GRIN2A: variants seen among roughly 807,000 people sequenced by gnomAD.
GRIN2A encodes glutamate ionotropic receptor NMDA type subunit 2A, also known as glutamate receptor ionotropic, NMDA 2A.
In GRIN2A, 22 loss-of-function variants were observed where a neutral mutation model predicts 113.4. The ratio of observed to expected loss-of-function variants is 0.19; its 90% CI spans 0.14 to 0.28. The LOEUF is 0.28. Ranked by LOEUF, GRIN2A falls within the 10% of genes least tolerant of loss-of-function variation. The probability of loss-of-function intolerance (pLI) is 1.00; values close to 1 mark genes in which losing one functional copy is unlikely to be tolerated. For missense variants in GRIN2A, 1,502 were observed against 1,887.0 expected, an observed-to-expected ratio of 0.80 and a Z score of 3.78; for synonymous variants, 827 against 738.4, an observed-to-expected ratio of 1.12 and a Z score of -1.94.
intron 2 of GRIN2A, among the ~76,000 whole-genome samples, chr16:9,991,459 T>A (rs747784004): frequency 6.6e-6 from 1 of 152,228 alleles, no homozygotes; most frequent in Admixed American, 6.5e-5. Context: ...TATGGATATA[T>A]TGTGTAGTGG....
At chr16:9,797,981 T>C (rs1903104905) in intron 11 of GRIN2A, among the ~76,000 whole-genome samples, 2 of 152,280 alleles carry the variant, frequency 1.3e-5, no homozygotes, top group African/African-American at 4.8e-5. Flanking sequence ...AAATTCCCAC[T>C]TAAGGCACCA....
At chr16:9,798,816 A>G (rs1010125150) in intron 10 of GRIN2A, among the ~76,000 whole-genome samples, 3 of 152,204 alleles carry the variant, frequency 2.0e-5, no homozygotes, top group Non-Finnish European at 4.4e-5. Context: ...AAAATAAACC[A>G]CTAAGGGGCA....
intron 2 of GRIN2A, among the ~76,000 whole-genome samples, chr16:10,117,566 C>G (rs1451414737): frequency 6.6e-6 from 1 of 152,138 alleles, no homozygotes; most frequent in Non-Finnish European, 1.5e-5. Context: ...GAGGTAAAGT[C>G]TCATTTCACC....
At chr16:9,949,714 T>C (rs529591822) in intron 2 of GRIN2A, among the ~76,000 whole-genome samples, 1 of 150,088 alleles carries the variant, frequency 6.7e-6, no homozygotes, top group East Asian at 2.0e-4. Context: ...GTTGGATGGA[T>C]GGACGGACAG....
Position 9,756,256 on chromosome 16 carries a change from G to A in GRIN2A, c.*6893C>T, listed in dbSNP as rs1900345328. 1 of 227,516 alleles carries A rather than the reference G, an allele frequency of 4.4e-6. No individual in the cohort carries two copies. Among genetic ancestry groups the A allele is most frequent in the Non-Finnish European group, 8.7e-6 (1 of 114,442 alleles). 14.1% of individuals were successfully genotyped at this position (227,516 alleles called of 1,614,324 possible). On this transcript the variant is annotated 3_prime_UTR_variant, in exon 13 of 13. Coordinates refer to ENST00000330684, the MANE Select transcript of GRIN2A (RefSeq NM_001134407.3). Reference sequence around the variant, plus strand: ...AAGAGATATTTAAGATTAGGCACATGCTAAGTAGAGAAAATAACTCCCCAG... The same window carrying A: ...AAGAGATATTTAAGATTAGGCACATACTAAGTAGAGAAAATAACTCCCCAG...
chr16:9,926,918 ACT>A (rs1358752216), intron 3 of GRIN2A, among the ~76,000 whole-genome samples: 1 of 89,662 alleles, frequency 1.1e-5, no homozygotes, highest in Admixed American at 9.6e-5. Flanking sequence ...CAGGAAAAAC[ACT>A]CTAAGTTTAA....
chr16:9,878,578 C>T (rs2043416950), intron 4 of GRIN2A, among the ~76,000 whole-genome samples: 1 of 152,134 alleles, frequency 6.6e-6, no homozygotes, highest in Non-Finnish European at 1.5e-5. Flanking sequence ...AGCTGCTGCC[C>T]TCATGATCAT....
chr16:9,843,951 G>A (rs1340263933), intron 5 of GRIN2A, among the ~76,000 whole-genome samples: 1 of 152,186 alleles, frequency 6.6e-6, no homozygotes, highest in Non-Finnish European at 1.5e-5. Context: ...TTCCTTCTTA[G>A]TATACATGGC....
At chr16:10,040,297 C>A (rs1660154033) in intron 2 of GRIN2A, among the ~76,000 whole-genome samples, 1 of 146,476 alleles carries the variant, frequency 6.8e-6, no homozygotes, top group South Asian at 2.3e-4. Flanking sequence ...ACGTCATGCA[C>A]ATCCAAATAC....
chr16:10,176,355 G>C (rs886539892), intron 2 of GRIN2A, among the ~76,000 whole-genome samples: 4 of 152,036 alleles, frequency 2.6e-5, no homozygotes, highest in Admixed American at 2.0e-4. Flanking sequence ...AATGATGCGA[G>C]CAAAACATTA....
intron 2 of GRIN2A, among the ~76,000 whole-genome samples, chr16:10,148,135 G>A (rs2142282158): frequency 6.6e-6 from 1 of 152,224 alleles, no homozygotes; most frequent in South Asian, 2.1e-4. Flanking sequence ...TAGAGCCCAG[G>A]AATTGGCAAA....
intron 10 of GRIN2A, among the ~76,000 whole-genome samples, chr16:9,812,732 G>C (rs2042110150): frequency 6.6e-6 from 1 of 152,110 alleles, no homozygotes; most frequent in South Asian, 2.1e-4. Context: ...ATTGCTTTGT[G>C]TCCAAAGCAA....
At chr16:10,036,449 C>CTTTTTTTTT (rs369821921) in intron 2 of GRIN2A, among the ~76,000 whole-genome samples, 14 of 46,008 alleles carry the variant, frequency 3.0e-4, no homozygotes, top group South Asian at 9.1e-4. Context: ...TTTTTTTTTT[C>CTTTTTTTTT]TTTTTTTTTT....
chr16:10,040,022 A>AGTGCACACACACC lies in GRIN2A; in HGVS notation c.415-101472_415-101471insGGTGTGTGTGCAC, dbSNP rs1567254312. On this transcript the variant is annotated intron_variant, in intron 2 of 12. Transcript: ENST00000330684. ...CACAACACACACATCCACACACCACACACAAATATACTACACACATCCACA... is the reference window on the plus strand; with the variant it reads ...CACAACACACACATCCACACACCACAGTGCACACACACCCACAAATATACTACACACATCCACA... Among the ~76,000 whole-genome samples the AGTGCACACACACC allele has an allele frequency of 6.6e-5, 10 of 151,442 alleles. 1 individual carries two copies. The highest frequency in any genetic ancestry group is 9.7e-5 in the African/African-American group (4 of 41,264).
At chr16:10,095,404 A>G (rs1346291505) in intron 2 of GRIN2A, among the ~76,000 whole-genome samples, 1 of 152,220 alleles carries the variant, frequency 6.6e-6, no homozygotes, top group Non-Finnish European at 1.5e-5. Flanking sequence ...TAACGACAGT[A>G]ATGGATTATA....
chr16:9,784,023 G>A (rs1902073825), intron 11 of GRIN2A, among the ~76,000 whole-genome samples: 2 of 152,080 alleles, frequency 1.3e-5, no homozygotes, highest in South Asian at 2.1e-4. Context: ...AATGGGTACT[G>A]GGCTTAATAC....
At chr16:9,982,251 A>G (rs948796268) in intron 2 of GRIN2A, among the ~76,000 whole-genome samples, 1 of 152,206 alleles carries the variant, frequency 6.6e-6, no homozygotes, top group Non-Finnish European at 1.5e-5. Flanking sequence ...AGTTCAGGCC[A>G]GAGGTAGATG....
chr16:9,869,115 C>T (rs1267341568), intron 4 of GRIN2A, among the ~76,000 whole-genome samples: 1 of 152,048 alleles, frequency 6.6e-6, no homozygotes, highest in Non-Finnish European at 1.5e-5. Context: ...GGGCTGCTTA[C>T]ATAATAGATG....
intron 2 of GRIN2A, among the ~76,000 whole-genome samples, chr16:10,067,115 T>TAGCTGTTTCTTTCTCCTCTTTTC (rs2047664920): frequency 2.6e-5 from 4 of 152,356 alleles, no homozygotes; most frequent in Non-Finnish European, 5.9e-5. Flanking sequence ...TCCCTCTTTT[T>TAGCTGTTTCTTTCTCCTCTTTTC]TGCTGTTTCT....
Sources: allele counts gnomAD v4.1 joint callset (sites outside exome capture counted in the v4.1 genomes callset), GRCh38; gene constraint gnomAD v4.1.1; transcripts MANE v1.5; gene names NCBI Gene and HGNC (gene_info 2026-07-23, HGNC 2026-07-21).